The following SETX variants were observed in gnomAD, a reference collection of about 807,000 sequenced individuals.
SETX encodes the protein senataxin.
In SETX, 90 loss-of-function variants were observed where a neutral mutation model predicts 227.2. The ratio of observed to expected loss-of-function variants is 0.40; its 90% CI spans 0.33 to 0.47. The LOEUF is 0.47. Among genes scored for constraint, SETX ranks in the 20% least tolerant of loss-of-function variants. SETX has a pLI of 0.91. For synonymous variants in SETX, 1,210 were observed against 1,113.2 expected, an observed-to-expected ratio of 1.09 and a Z score of -1.73; for missense variants, 3,052 against 3,181.5, an observed-to-expected ratio of 0.96 and a Z score of 0.98.
At chr9:132,331,187 AAAGG>A (rs1847212045) in intron 8 of SETX, 48 bp from the exon 9 acceptor site, 5 of 1,608,186 alleles carry the variant, frequency 3.1e-6, no homozygotes, top group Non-Finnish European at 4.3e-6. Context: ...AGGGGGAAAA[AAAGG>A]AAGAAACACC....
intron 1 of SETX, among the ~76,000 whole-genome samples, 182 bp downstream of exon 1, chr9:132,354,735 C>T (rs1848813580): frequency 6.6e-6 from 1 of 152,202 alleles, no homozygotes; most frequent in Non-Finnish European, 1.5e-5. Context: ...CGGCCGCCAG[C>T]CGTCGAGGGG....
Position 132,300,953 on chromosome 9 carries a change from C to T in SETX, c.5375-150G>A, listed in dbSNP as rs371711257. The T allele has an allele frequency of 1.4e-3, 848 of 618,136 alleles. 4 individuals are homozygous for T. Among genetic ancestry groups the T allele is most frequent in the Middle Eastern group, 7.1e-3 (16 of 2,244 alleles). 38.3% of individuals were successfully genotyped at this position (618,136 alleles called of 1,614,324 possible). A position where few individuals can be genotyped will look rare whatever the true frequency, so the allele number is the denominator to read the frequency against. On this transcript the variant is annotated intron_variant, in intron 11 of 25. Coordinates refer to ENST00000224140, the MANE Select transcript of SETX (RefSeq NM_015046.7). The stretch of plus-strand genomic sequence containing the variant: ...TATACTTTAAAATGGTAATCTAATC[C>T]AATCAAAAACTTCAAATATTAAAAA...
intron 10 of SETX, among the ~76,000 whole-genome samples, chr9:132,322,807 C>T (rs968776766): frequency 8.0e-5 from 12 of 149,362 alleles, no homozygotes; most frequent in African/African-American, 3.0e-4. Flanking sequence ...ACGAACCATG[C>T]AAAAAGAGAA....
In SETX at chr9:132,327,571, G is replaced by C; in HGVS notation, c.4027C>G (p.Leu1343Val). Residue 1343 changes from leucine to valine, a missense_variant, in exon 10 of 26, where the codon CTG (leucine) becomes GTG (valine). Transcript: ENST00000224140. ...TGCATCTGAAGTTCTTGACTAGTCA[G>C]AAGTTTCTTATTATTTCTGACAGAC... ...NLSVRNNKKL[L>V]TSQELQMQRQ... 1.2e-6 allele frequency: 2 copies of C among 1,614,078 alleles called. No individual in the cohort carries two copies. The highest frequency in any genetic ancestry group is 1.7e-6 in the Non-Finnish European group (2 of 1,180,028).
At chr9:132,277,015 A>G (rs763625150) in intron 22 of SETX, 45 bp downstream of exon 22, 1 of 1,478,148 alleles carries the variant, frequency 6.8e-7, no homozygotes, top group African/African-American at 1.4e-5. Flanking sequence ...AAATCATGTA[A>G]CAATTCTGGG....
intron 10 of SETX, among the ~76,000 whole-genome samples, chr9:132,321,654 C>T (rs75746333): frequency 1.9e-5 from 1 of 51,428 alleles, no homozygotes; most frequent in African/African-American, 9.6e-5. Flanking sequence ...GATACTGTCT[C>T]AAAAAAAAAA....
At position 132,263,808 on chromosome 9, in the gene SETX, C is replaced by CTTT. The variant is rs1245820302; in HGVS notation, c.*428_*430dup. On this transcript the variant is annotated 3_prime_UTR_variant, in exon 26 of 26. Transcript: ENST00000224140. ...TTGAAAGGACCCGCCCTCCTCCCAT[C>CTTT]TTTTTTTTTTTGGTAATATAAAGTT... is the stretch of plus-strand genomic sequence containing the variant. 3 of 144,530 alleles carry CTTT rather than the reference C, an allele frequency of 2.1e-5. No homozygotes were observed. Among genetic ancestry groups the CTTT allele is most frequent in the African/African-American group, 6.1e-5 (2 of 32,604 alleles). The allele number at this position is 144,530 out of a possible 1,614,324, so 9.0% of individuals were successfully genotyped here.
intron 7 of SETX, among the ~76,000 whole-genome samples, chr9:132,333,825 C>T (rs1847422628): frequency 6.6e-6 from 1 of 152,166 alleles, no homozygotes; most frequent in Non-Finnish European, 1.5e-5. Flanking sequence ...CAATACAGTA[C>T]AGGATAGAGT....
At chr9:132,284,528 G>C (rs565534260) in intron 18 of SETX, among the ~76,000 whole-genome samples, 1 of 152,258 alleles carries the variant, frequency 6.6e-6, no homozygotes, top group South Asian at 2.1e-4. Context: ...GGTTTGATTA[G>C]GGCTGCATTC....
At position 132,328,907 on chromosome 9, in the gene SETX, G is replaced by C. The variant is rs745460096; in HGVS notation, c.2691C>G (p.Ile897Met). The change falls in exon 10 of 26, where the codon ATC (isoleucine) becomes ATG (methionine). Residue 897 changes from isoleucine (I) to methionine (M), a missense_variant. This residue lies in a region of SETX where 1,483 missense variants were observed against 1,312.0 expected (regional missense o/e 1.13). Transcript: ENST00000224140. ...QEFHVDGKEL[I>M]PFTEMTNASE... ...AAGCATTGGTCATTTCTGTAAAAGG[G>C]ATCAATTCTTTACCATCAACATGAA... The C allele has an allele frequency of 2.0e-5, 32 of 1,613,790 alleles. No individual in the cohort carries two copies. Among genetic ancestry groups the C allele is most frequent in the Non-Finnish European group, 2.5e-5 (29 of 1,179,918 alleles).
In SETX at chr9:132,329,739, T is replaced by A. The variant is rs771149250; in HGVS notation, c.1859A>T (p.Asn620Ile). 2.5e-6 allele frequency: 4 copies of A among 1,614,034 alleles called. No homozygotes were observed. The highest frequency in any genetic ancestry group is 1.7e-5 in the Admixed American group (1 of 60,002). The change falls in exon 10 of 26, where the codon AAT (asparagine) becomes ATT (isoleucine). Residue 620 changes from asparagine to isoleucine, a missense_variant. Physicochemically the swap from Asn to Ile is moderately radical, Grantham distance 149. Transcript: ENST00000224140. ...SACKISPASY[N>I]KEESEQMGKT... is the part of the protein sequence containing the mutation. The stretch of plus-strand genomic sequence containing the variant: ...CCCCATTTGTTCACTTTCTTCTTTA[T>A]TATAAGATGCAGGAGAGATTTTACA...
At chr9:132,294,321 TAA>T (rs1844534166) in intron 15 of SETX, among the ~76,000 whole-genome samples, 1 of 152,214 alleles carries the variant, frequency 6.6e-6, no homozygotes, top group Non-Finnish European at 1.5e-5. Context: ...CATGTTTTAA[TAA>T]AGTTTTGTAA....
chr9:132,348,937 T>C (rs1001356600), intron 3 of SETX, among the ~76,000 whole-genome samples: 4 of 151,926 alleles, frequency 2.6e-5, no homozygotes, highest in South Asian at 2.1e-4. Flanking sequence ...CTCCAAAACA[T>C]AGCAAAACAA....
At chr9:132,308,917 T>C (rs1426110021) in intron 11 of SETX, among the ~76,000 whole-genome samples, 1 of 152,034 alleles carries the variant, frequency 6.6e-6, no homozygotes, top group Non-Finnish European at 1.5e-5. Flanking sequence ...GACGGGCAGA[T>C]AACTTGAGGC....
At chr9:132,340,913 G>A (rs377044532) in intron 5 of SETX, among the ~76,000 whole-genome samples, 11 of 152,204 alleles carry the variant, frequency 7.2e-5, no homozygotes, top group African/African-American at 2.6e-4. Context: ...TTTATTCTCT[G>A]GCTGTGGGAG....
intron 7 of SETX, among the ~76,000 whole-genome samples, chr9:132,333,406 A>ATATATATAT (rs1417555956): frequency 1.4e-4 from 9 of 64,840 alleles, no homozygotes; most frequent in South Asian, 5.4e-4. Flanking sequence ...AAGAAAAAAA[A>ATATATATAT]AAATATATAT....
In SETX at chr9:132,330,278, G is replaced by A; in HGVS notation, c.1320C>T (p.Val440=). 1 of 1,587,238 alleles carries A rather than the reference G, an allele frequency of 6.3e-7. No homozygotes were observed. Among genetic ancestry groups the A allele is most frequent in the South Asian group, 1.1e-5 (1 of 87,012 alleles). Residue 440 remains valine (V), a synonymous_variant, in exon 10 of 26, where the codon GTC becomes GTT. Coordinates refer to ENST00000224140, the MANE Select transcript of SETX (RefSeq NM_015046.7). ...CATCTGTTTGGTTGAGGACTTCTTT[G>A]ACTTCAGAGTACAGATGATTAACAA... ...AQVVNHLYSE[V]KEVLNQTDAV...
chr9:132,318,035 C>T (rs1348885777), intron 10 of SETX, among the ~76,000 whole-genome samples: 2 of 151,996 alleles, frequency 1.3e-5, no homozygotes, highest in African/African-American at 4.8e-5. Context: ...CTTCTCTATC[C>T]ACTTTATTGC....
At chr9:132,330,973 A>T (rs1847186723) in intron 9 of SETX, 79 bp downstream of exon 9, 1 of 1,132,362 alleles carries the variant, frequency 8.8e-7, no homozygotes, top group African/African-American at 1.5e-5. Flanking sequence ...CAAAATCTGC[A>T]ACTCAACAAA....
Sources: gnomAD v4.1 joint callset for allele counts (sites outside exome capture counted in the v4.1 genomes callset) on GRCh38, gnomAD v4.1.1 for gene constraint, gnomAD v4.1.1 regional missense constraint, MANE v1.5 for transcripts, NCBI Gene and HGNC (gene_info 2026-07-23, HGNC 2026-07-21) for gene names.